The following SEL1L3 variants were observed in gnomAD, a reference collection of about 807,000 sequenced individuals.
The protein encoded by SEL1L3 is SEL1L family member 3.
SEL1L3 carries 76 observed loss-of-function variants against 142.8 expected under a neutral mutation model. The observed-to-expected ratio is 0.53, with a 90% confidence interval of 0.44 to 0.64. The LOEUF is 0.64. Among genes scored for constraint, SEL1L3 ranks in the 30% least tolerant of loss-of-function variants. The pLI, the probability that SEL1L3 is intolerant of heterozygous loss-of-function variation, is 0.00. For missense variants in SEL1L3, 1,262 were observed against 1,381.7 expected, an observed-to-expected ratio of 0.91 and a Z score of 1.37; for synonymous variants, 504 against 519.6, an observed-to-expected ratio of 0.97 and a Z score of 0.41.
the SEL1L3 span, among the ~76,000 whole-genome samples, chr4:25,735,986 C>T: frequency 9.9e-5 from 15 of 151,634 alleles, no homozygotes; most frequent in African/African-American, 2.4e-4. Flanking sequence ...CCCGCCACCA[C>T]GCCTGGCTAA....
the SEL1L3 span, among the ~76,000 whole-genome samples, chr4:25,733,746 C>G: frequency 6.6e-6 from 1 of 151,982 alleles, no homozygotes; most frequent in Non-Finnish European, 1.5e-5. Flanking sequence ...CTCCTGACCC[C>G]ATGATTTCCC....
At chr4:25,814,735 A>T (rs1168285909) in intron 9 of SEL1L3, among the ~76,000 whole-genome samples, 1 of 152,174 alleles carries the variant, frequency 6.6e-6, no homozygotes, top group African/African-American at 2.4e-5. Flanking sequence ...ATAGGAGATC[A>T]GAGTAAAGAC....
chr4:25,798,940 C>T (rs141494211), intron 11 of SEL1L3, among the ~76,000 whole-genome samples: 21 of 152,254 alleles, frequency 1.4e-4, no homozygotes, highest in African/African-American at 4.8e-4. Flanking sequence ...TCTGATAGTC[C>T]TAGAGGCCGG....
chr4:25,766,201 G>A (rs546354978), intron 19 of SEL1L3, among the ~76,000 whole-genome samples: 3 of 152,264 alleles, frequency 2.0e-5, no homozygotes, highest in Non-Finnish European at 4.4e-5. Flanking sequence ...CACTTTTGGA[G>A]GCTAAGGTGT....
In SEL1L3 at chr4:25,834,622, A is replaced by G. The variant is rs75306608; in HGVS notation, c.860+575T>C. 1.6e-3 allele frequency among the ~76,000 whole-genome samples: 246 copies of G among 152,338 alleles called. 3 individuals are homozygous for G. In the East Asian group the frequency reaches 0.031, roughly 19 times the overall value. On this transcript the variant is annotated intron_variant, in intron 3 of 23. Transcript: ENST00000399878. ...AGCAAGCTCATGAAGATAAGTTATT[A>G]CAAGGAAGCTTAGCAAGAACATACG... is the stretch of plus-strand genomic sequence containing the variant.
intron 6 of SEL1L3, among the ~76,000 whole-genome samples, chr4:25,829,632 A>G (rs944190023): frequency 1.2e-4 from 19 of 152,244 alleles, no homozygotes; most frequent in African/African-American, 4.1e-4. Flanking sequence ...ATGGTTATAT[A>G]AAGATGAAAA....
chr4:25,744,348 C>CTTTTTTGTTTTTTTTTTTTTTTT (rs1717198224), downstream of SEL1L3, among the ~76,000 whole-genome samples: 1 of 101,426 alleles, frequency 9.9e-6, no homozygotes, highest in Non-Finnish European at 1.9e-5. Flanking sequence ...ATGTGTGAGT[C>CTTTTTTGTTTTTTTTTTTTTTTT]TTTTTTTTTT....
At chr4:25,724,744 A>G in the SEL1L3 span, among the ~76,000 whole-genome samples, 2 of 88,444 alleles carry the variant, frequency 2.3e-5, 1 homozygote, top group African/African-American at 6.7e-5. Flanking sequence ...CTCAAAAAAA[A>G]AAAAAAAAAA....
At chr4:25,824,447 G>A (rs1380378801) in intron 6 of SEL1L3, among the ~76,000 whole-genome samples, 2 of 152,186 alleles carry the variant, frequency 1.3e-5, no homozygotes, top group African/African-American at 4.8e-5. Flanking sequence ...GTACCTGCCT[G>A]TATGGTTGTT....
intron 2 of SEL1L3, 139 bp from the exon 3 acceptor site, chr4:25,835,462 T>C (rs1715758547): frequency 2.2e-6 from 2 of 897,566 alleles, no homozygotes; most frequent in African/African-American, 1.7e-5. Flanking sequence ...CAAACATCTG[T>C]TGAATAAATG....
the SEL1L3 span, among the ~76,000 whole-genome samples, chr4:25,737,837 A>G: frequency 2.4e-3 from 370 of 152,278 alleles, no homozygotes; most frequent in Non-Finnish European, 4.3e-3. Context: ...GTTACACTGT[A>G]TTGCTTAGGA....
rs200110152 is a variant in SEL1L3 at position 25,758,674 on chromosome 4, C to CTT, written c.3083+265_3083+266dup. Among the ~76,000 whole-genome samples the CTT allele has an allele frequency of 3.5e-5, 5 of 141,326 alleles. 1 individual carries two copies. In the South Asian group the frequency reaches 6.8e-4, roughly 19 times the overall value. The allele number at this position is 141,326 out of a possible 152,430, so 92.7% of individuals were successfully genotyped here. ...CCTGGGCTTTTTCTTTCTTTTCTTT[C>CTT]TTTTTTTTTTTTTTCTTTTAGTAGA... On this transcript the variant is annotated intron_variant, in intron 21 of 23. Transcript: ENST00000399878.
intron 15 of SEL1L3, 56 bp from the exon 16 acceptor site, chr4:25,779,259 A>G (rs1449854790): frequency 6.2e-7 from 1 of 1,603,504 alleles, no homozygotes; most frequent in African/African-American, 1.3e-5. Context: ...GTTTCGCCAG[A>G]GACAAGGTGA....
rs770166983 is a variant in SEL1L3 at position 25,790,590 on chromosome 4, G to A, written c.1957-16C>T. 4.1e-6 allele frequency: 6 copies of A among 1,461,630 alleles called. No homozygotes were observed. The highest frequency in any genetic ancestry group is 5.6e-6 in the Non-Finnish European group (6 of 1,074,184). 90.5% of individuals were successfully genotyped at this position (1,461,630 alleles called of 1,614,324 possible). On this transcript the variant is annotated splice_polypyrimidine_tract_variant and intron_variant, in intron 11 of 23. Transcript: ENST00000399878. ...CAACATATGCCTGAGAAGGAAGGAG[G>A]GAAAGAAGGAAGGAGGGAAAGAAGG...
chr4:25,850,676 C>A (rs1253137734), intron 1 of SEL1L3, among the ~76,000 whole-genome samples: 1 of 152,122 alleles, frequency 6.6e-6, no homozygotes, highest in African/African-American at 2.4e-5. Context: ...GATAGGGAAG[C>A]CTAAACTCAT....
intron 11 of SEL1L3, among the ~76,000 whole-genome samples, chr4:25,801,981 T>C (rs868612111): frequency 6.6e-6 from 1 of 152,248 alleles, no homozygotes; most frequent in African/African-American, 2.4e-5. Context: ...AAGATGCCTA[T>C]GTTTCTGGTA....
chr4:25,800,287 T>C (rs1367392296), intron 11 of SEL1L3, among the ~76,000 whole-genome samples: 1 of 152,206 alleles, frequency 6.6e-6, no homozygotes, highest in Non-Finnish European at 1.5e-5. Flanking sequence ...ATGACACCTG[T>C]TTAAATTCTT....
chr4:25,819,953 A>G lies in SEL1L3; in HGVS notation c.1291-13T>C, dbSNP rs772716171. The stretch of plus-strand genomic sequence containing the variant: ...GGGGATTAAAAATCTACAAGAAGGC[A>G]AGAAAGTCAAATGAACAACAATTGT... On this transcript the variant is annotated splice_polypyrimidine_tract_variant and intron_variant, in intron 7 of 23. Coordinates refer to ENST00000399878, the MANE Select transcript of SEL1L3 (RefSeq NM_015187.5). 6.2e-7 allele frequency: 1 copy of G among 1,605,552 alleles called. No individual in the cohort carries two copies. The highest frequency in any genetic ancestry group is 8.5e-7 in the Non-Finnish European group (1 of 1,175,584).
At chr4:25,849,344 G>A (rs1716739154) in intron 1 of SEL1L3, among the ~76,000 whole-genome samples, 1 of 152,208 alleles carries the variant, frequency 6.6e-6, no homozygotes, top group Non-Finnish European at 1.5e-5. Context: ...ATATTATTCA[G>A]CCCATAAAAG....
Sources: gnomAD v4.1 joint callset for allele counts (sites outside exome capture counted in the v4.1 genomes callset) on GRCh38, gnomAD v4.1.1 for gene constraint, MANE v1.5 for transcripts, NCBI Gene and HGNC (gene_info 2026-07-23, HGNC 2026-07-21) for gene names.